Variants in RAD51B observed in about 807,000 individuals in gnomAD.
RAD51B encodes DNA repair protein RAD51 homolog 2.
Under a neutral mutation model 42.2 loss-of-function variants are expected in RAD51B, and 38 were observed. The observed-to-expected ratio is 0.90, with a 90% CI of 0.70 to 1.18. The LOEUF (loss-of-function observed/expected upper bound fraction) is 1.18. RAD51B is among the 50% of genes most tolerant of loss of function. The probability of loss-of-function intolerance (pLI) is 0.00; values close to 1 mark genes in which losing one functional copy is unlikely to be tolerated. For synonymous variants in RAD51B, 154 were observed against 145.2 expected (o/e 1.06, Z -0.43); for missense variants, 373 against 400.7 (o/e 0.93, Z 0.59).
intron 9 of RAD51B, among the ~76,000 whole-genome samples, chr14:68,448,915 G>C (rs1354320224): frequency 6.6e-6 from 1 of 152,040 alleles, no homozygotes; most frequent in East Asian, 1.9e-4. Flanking sequence ...AAGCAATATA[G>C]TAGGAGGGAA....
At chr14:68,564,662 C>T (rs951643281) in intron 10 of RAD51B, among the ~76,000 whole-genome samples, 2 of 152,228 alleles carry the variant, frequency 1.3e-5, no homozygotes, top group African/African-American at 4.8e-5. Context: ...GGCTCCCCAC[C>T]ACCACAAGGG....
intron 7 of RAD51B, among the ~76,000 whole-genome samples, chr14:68,213,895 G>A (rs946120172): frequency 6.6e-6 from 1 of 152,212 alleles, no homozygotes; most frequent in Non-Finnish European, 1.5e-5. Flanking sequence ...TGATGAGAAA[G>A]AGTAGATGCC....
At chr14:68,318,301 T>C (rs903417132) in intron 8 of RAD51B, among the ~76,000 whole-genome samples, 1 of 152,146 alleles carries the variant, frequency 6.6e-6, no homozygotes, top group African/African-American at 2.4e-5. Flanking sequence ...AGATTAAAAA[T>C]CCAACAATCC....
chr14:68,029,871 C>T (rs543401224), intron 7 of RAD51B, among the ~76,000 whole-genome samples: 43 of 152,302 alleles, frequency 2.8e-4, no homozygotes, highest in African/African-American at 9.9e-4. Context: ...AATTAATCCT[C>T]GATCTATGGG....
intron 11 of RAD51B, among the ~76,000 whole-genome samples, chr14:68,678,195 C>T (rs987368539): frequency 2.6e-5 from 4 of 152,168 alleles, no homozygotes; most frequent in African/African-American, 7.2e-5. Context: ...GCTCCACCAC[C>T]TCGTTCAGTC....
At chr14:68,266,531 C>A (rs2080995338) in intron 7 of RAD51B, among the ~76,000 whole-genome samples, 1 of 152,208 alleles carries the variant, frequency 6.6e-6, no homozygotes, top group Non-Finnish European at 1.5e-5. Flanking sequence ...CAGAGAGTGA[C>A]CTTCCTGTTT....
At chr14:67,942,885 T>A (rs1377919411) in intron 7 of RAD51B, among the ~76,000 whole-genome samples, 1 of 152,160 alleles carries the variant, frequency 6.6e-6, no homozygotes, top group Admixed American at 6.6e-5. Flanking sequence ...AGGTGTTGTT[T>A]CTCTCGAAAT....
chr14:68,069,539 C>A (rs983166401), intron 7 of RAD51B: 1 of 152,042 alleles, frequency 6.6e-6, no homozygotes, highest in Non-Finnish European at 1.5e-5. Flanking sequence ...CATGCAGAAC[C>A]AAATACTGTT....
intron 8 of RAD51B, among the ~76,000 whole-genome samples, chr14:68,355,054 G>A (rs1055604635): frequency 2.0e-5 from 3 of 152,192 alleles, no homozygotes; most frequent in African/African-American, 7.2e-5. Context: ...AGGGGACCGT[G>A]ATGCACAGTA....
rs138492462 is a variant in RAD51B, at chr14:68,379,049, G to A, written c.854-32375G>A. On this transcript the variant is annotated intron_variant, in intron 8 of 10. Transcript: ENST00000471583. ...ACTAGGTACCTGTTATTTGCCATAT[G>A]TGCTGCTTTATTGTTACTTGTTCCG... 1.3e-4 allele frequency among the ~76,000 whole-genome samples: 20 copies of A among 152,210 alleles called. No individual in the cohort carries two copies. The East Asian group carries it at 3.3e-3, about 25-fold the overall frequency.
chr14:68,028,963 C>A (rs2075998185), intron 7 of RAD51B, among the ~76,000 whole-genome samples: 1 of 152,206 alleles, frequency 6.6e-6, no homozygotes, highest in African/African-American at 2.4e-5. Context: ...TGGGCATATC[C>A]CTTTGCCAGC....
intron 7 of RAD51B, among the ~76,000 whole-genome samples, chr14:67,942,295 T>C (rs1019390990): frequency 1.3e-5 from 2 of 152,222 alleles, no homozygotes; most frequent in African/African-American, 4.8e-5. Flanking sequence ...TTTTTTCCTC[T>C]TTACTTTCGT....
At chr14:68,409,449 G>C (rs1377081904) in intron 8 of RAD51B, among the ~76,000 whole-genome samples, 1 of 152,138 alleles carries the variant, frequency 6.6e-6, no homozygotes, top group Admixed American at 6.5e-5. Flanking sequence ...TCTGGTATTA[G>C]ACAAGAAAAA....
intron 10 of RAD51B, among the ~76,000 whole-genome samples, chr14:68,487,543 C>CT (rs1883725895): frequency 6.6e-6 from 1 of 150,950 alleles, no homozygotes; most frequent in Non-Finnish European, 1.5e-5. Context: ...AAGTCTCACT[C>CT]TGTTGCCCAG....
chr14:68,280,676 C>T (rs181826566), intron 7 of RAD51B, among the ~76,000 whole-genome samples: 307 of 152,296 alleles, frequency 2.0e-3, no homozygotes, highest in African/African-American at 7.0e-3. Flanking sequence ...CATAAAATCT[C>T]ATGAAATGTG....
chr14:67,820,590 A>G (rs373795463), intron 1 of RAD51B, among the ~76,000 whole-genome samples: 68 of 152,158 alleles, frequency 4.5e-4, no homozygotes, highest in Non-Finnish European at 8.1e-4. Flanking sequence ...CTTGCAAGCC[A>G]TAATAGTATT....
At chr14:68,653,547 T>C (rs1892746554) in intron 11 of RAD51B, among the ~76,000 whole-genome samples, 1 of 152,174 alleles carries the variant, frequency 6.6e-6, no homozygotes, top group African/African-American at 2.4e-5. Context: ...TATTGTAGGA[T>C]GTCTAGAAGC....
chr14:68,293,080 T>G (rs966360678), intron 8 of RAD51B, among the ~76,000 whole-genome samples: 1 of 152,172 alleles, frequency 6.6e-6, no homozygotes, highest in South Asian at 2.1e-4. Flanking sequence ...AAACTCCCAA[T>G]TGAATTATTT....
At chr14:68,649,795 G>A (rs189509935) in intron 10 of RAD51B, among the ~76,000 whole-genome samples, 235 of 152,258 alleles carry the variant, frequency 1.5e-3, no homozygotes, top group Middle Eastern at 3.4e-3. Context: ...AACACCTTCC[G>A]CAAAGAGACC....
Sources: gnomAD v4.1 joint callset for allele counts (sites outside exome capture counted in the v4.1 genomes callset) on GRCh38, gnomAD v4.1.1 for gene constraint, MANE v1.5 for transcripts, NCBI Gene and HGNC (gene_info 2026-07-23, HGNC 2026-07-21) for gene names.